Variants in COMMD5 observed in about 807,000 individuals in gnomAD.
The protein encoded by COMMD5 is COMM domain-containing protein 5.
COMMD5 carries 10 observed loss-of-function variants against 6.9 expected under a neutral mutation model. The observed-to-expected ratio is 1.44, with a 90% confidence interval of 0.89 to 2.45. COMMD5 has a LOEUF of 2.45. COMMD5 is among the 30% of genes most tolerant of loss of function. COMMD5 has a pLI of 0.00. For synonymous variants in COMMD5, 127 were observed against 125.3 expected (o/e 1.01, Z -0.09); for missense variants, 234 against 287.8 (o/e 0.81, Z 1.35).
downstream of COMMD5, among the ~76,000 whole-genome samples, chr8:144,849,245 G>A (rs777110346): frequency 4.6e-5 from 7 of 152,170 alleles, no homozygotes; most frequent in Non-Finnish European, 1.0e-4. Flanking sequence ...GATGACAGTG[G>A]GGGGACAGTG....
At position 144,842,211 on chromosome 8, in the gene COMMD5, G is replaced by A. The variant is rs777016015; in HGVS notation, c.*117-468C>T. On this transcript the variant is annotated intron_variant and NMD_transcript_variant, in intron 1 of 1. Coordinates refer to the COMMD5 transcript ENST00000530332. ...GGCCCTACCCTTGCAAGGAGTGTGGGAAGGCCTTCAGCCAGAGCTCCACCC... is the reference window on the plus strand; with the variant it reads ...GGCCCTACCCTTGCAAGGAGTGTGGAAAGGCCTTCAGCCAGAGCTCCACCC... 4.4e-5 allele frequency: 71 copies of A among 1,613,906 alleles called. No individual in the cohort carries two copies. The Admixed American group carries it at 1.1e-3, about 26-fold the overall frequency.
chr8:144,852,635 C>T (rs935679904), intron 1 of COMMD5: 2 of 152,388 alleles, frequency 1.3e-5, no homozygotes, highest in African/African-American at 2.4e-5. Flanking sequence ...GGAGCTCCTT[C>T]CCACTCCAAA....
At position 144,843,166 on chromosome 8, in the gene COMMD5, T is replaced by C. The variant is rs766865237; in HGVS notation, c.*117-1423A>G. The C allele has an allele frequency of 3.8e-6, 6 of 1,572,712 alleles. No individual in the cohort carries two copies. The Admixed American group carries it at 5.9e-5, about 15-fold the overall frequency. ...CCAGCATCAAAAAATTCACATGGGA[T>C]AGACCACTTACATATAAATGTGTAT... On this transcript the variant is annotated intron_variant and NMD_transcript_variant, in intron 1 of 1. Coordinates refer to the COMMD5 transcript ENST00000530332.
At chr8:144,841,599 C>T in exon 2 of COMMD5, 1 of 1,614,152 alleles carries the variant, frequency 6.2e-7, no homozygotes, top group Non-Finnish European at 8.5e-7. Context: ...AGACCTTCAC[C>T]AAGGACGCAC....
chr8:144,838,033 G>A (rs148798608), downstream of COMMD5: 5,175 of 696,516 alleles, frequency 7.4e-3, 41 homozygotes, highest in South Asian at 0.018. Context: ...ATCTGAAACC[G>A]GGGGGTCAGC....
downstream of COMMD5, among the ~76,000 whole-genome samples, chr8:144,849,964 G>A (rs1260520743): frequency 6.6e-6 from 1 of 152,016 alleles, no homozygotes; most frequent in Non-Finnish European, 1.5e-5. Context: ...CCACCTGCTT[G>A]GCTGCAGCCA....
At chr8:144,843,217 A>G (rs777227697) in intron 1 of COMMD5, 4 of 1,499,556 alleles carry the variant, frequency 2.7e-6, no homozygotes, top group Non-Finnish European at 3.6e-6. Context: ...TATAGCCTTA[A>G]CTTACTTATT....
chr8:144,848,717 C>G (rs1239097936), downstream of COMMD5, among the ~76,000 whole-genome samples: 2 of 152,194 alleles, frequency 1.3e-5, no homozygotes, highest in African/African-American at 4.8e-5. Context: ...TCAAGTCCAA[C>G]TGGATCATGT....
chr8:144,842,295 C>A lies in COMMD5; in HGVS notation c.*117-552G>T, dbSNP rs756778603. 4 of 1,614,036 alleles carry A rather than the reference C, an allele frequency of 2.5e-6. No individual in the cohort carries two copies. The Admixed American group carries it at 6.7e-5, about 27-fold the overall frequency. Reference sequence around the variant, plus strand: ...AAGCTCAAATTCTAAAAGCCTCAGACAGTCCAAGCCTTGTTGCACATCAGA... The same window carrying A: ...AAGCTCAAATTCTAAAAGCCTCAGAAAGTCCAAGCCTTGTTGCACATCAGA... On this transcript the variant is annotated intron_variant and NMD_transcript_variant, in intron 1 of 1. Transcript: ENST00000530332.
At chr8:144,843,377 C>G (rs375302812) in intron 1 of COMMD5, 6 of 535,558 alleles carry the variant, frequency 1.1e-5, no homozygotes, top group Admixed American at 3.7e-5. Context: ...ATCACGAGGT[C>G]AGGAGGTTGA....
At position 144,841,231 on chromosome 8, in the gene COMMD5, C is replaced by T. The variant is rs1412277520; in HGVS notation, c.*629G>A. On this transcript the variant is annotated 3_prime_UTR_variant and NMD_transcript_variant, in exon 2 of 2. Coordinates refer to the COMMD5 transcript ENST00000530332. ...TCTGCCTTCTCTTGCACGTTTCCAC[C>T]TGGGGCCTCACAGTGCTCAGTGCAA... The T allele has an allele frequency of 1.6e-5, 16 of 973,412 alleles. No individual in the cohort carries two copies. The East Asian group carries it at 3.9e-4, about 23-fold the overall frequency. 60.3% of individuals were successfully genotyped at this position (973,412 alleles called of 1,614,324 possible). A position where few individuals can be genotyped will look rare whatever the true frequency, so the allele number is the denominator to read the frequency against.
intron 1 of COMMD5, chr8:144,842,020 C>T (rs1393224909): frequency 1.2e-6 from 2 of 1,614,176 alleles, no homozygotes; most frequent in Admixed American, 1.7e-5. Flanking sequence ...TGGGGAGAAG[C>T]CCTACAGATG....
downstream of COMMD5, among the ~76,000 whole-genome samples, chr8:144,849,828 C>T (rs1356436797): frequency 2.0e-5 from 3 of 149,552 alleles, no homozygotes; most frequent in East Asian, 1.9e-4. Context: ...CACCAGATCA[C>T]GTCTCTCCTC....
intron 1 of COMMD5, among the ~76,000 whole-genome samples, chr8:144,843,978 A>C (rs1265601005): frequency 1.3e-5 from 2 of 152,154 alleles, no homozygotes; most frequent in Non-Finnish European, 2.9e-5. Context: ...CCTTCCTCAG[A>C]GAGGCAGGCT....
rs573372556 is a variant in COMMD5 at position 144,843,321 on chromosome 8, G to A, written c.*117-1578C>T. On this transcript the variant is annotated intron_variant and NMD_transcript_variant, in intron 1 of 1. Transcript: ENST00000530332. ...TATCCAACTTCAGGCCGAGTGTGGT[G>A]GCTTATGCCTGTCATCCCAGCACTT... 7 of 1,002,168 alleles carry A rather than the reference G, an allele frequency of 7.0e-6. No homozygotes were observed. In the East Asian group the frequency reaches 8.0e-5, roughly 11 times the overall value. 62.1% of individuals were successfully genotyped at this position (1,002,168 alleles called of 1,614,324 possible).
chr8:144,838,117 T>C, downstream of COMMD5: 1 of 703,026 alleles, frequency 1.4e-6, no homozygotes, highest in Non-Finnish European at 2.6e-6. Flanking sequence ...CTGGTGGTTT[T>C]CTGGCAGTCC....
chr8:144,846,003 G>T, downstream of COMMD5: 1 of 1,536,538 alleles, frequency 6.5e-7, no homozygotes, highest in Non-Finnish European at 8.7e-7. Context: ...CCAACCATGG[G>T]ACAAGAGCCA....
chr8:144,841,583 T>C (rs752418517), exon 2 of COMMD5: 1 of 1,614,118 alleles, frequency 6.2e-7, no homozygotes, highest in Non-Finnish European at 8.5e-7. Flanking sequence ...GAGACTGTGG[T>C]TCCCAAGACC....
At chr8:144,841,380 G>A (rs779492793) in exon 2 of COMMD5, 3 of 1,607,568 alleles carry the variant, frequency 1.9e-6, no homozygotes, top group Non-Finnish European at 2.6e-6. Context: ...CTGAAAATGA[G>A]CAGGCCTGTG....
Sources: gnomAD v4.1 joint callset for allele counts (sites outside exome capture counted in the v4.1 genomes callset) on GRCh38, gnomAD v4.1.1 for gene constraint, MANE v1.5 for transcripts, NCBI Gene and HGNC (gene_info 2026-07-23, HGNC 2026-07-21) for gene names.